Variants in GAS6 observed in about 807,000 individuals in gnomAD.
GAS6 encodes growth arrest specific 6.
GAS6 carries 41 observed loss-of-function variants against 75.8 expected under a neutral mutation model. The observed-to-expected ratio is 0.54, with a 90% CI of 0.42 to 0.70. The LOEUF (loss-of-function observed/expected upper bound fraction) is 0.70, where lower values mean the gene tolerates loss of function less well. Among genes scored for constraint, GAS6 ranks in the 30% least tolerant of loss-of-function variants. GAS6 has a pLI of 0.00. For synonymous variants in GAS6, 432 were observed against 412.6 expected (o/e 1.05, Z -0.57); for missense variants, 854 against 940.2 (o/e 0.91, Z 1.20).
chr13:113,854,362 A>T (rs2051897629), intron 2 of GAS6, among the ~76,000 whole-genome samples: 1 of 152,238 alleles, frequency 6.6e-6, no homozygotes, highest in African/African-American at 2.4e-5. Context: ...AACGAGACAG[A>T]GGAGCTCGAG....
chr13:113,826,295 C>T (rs1307864603), intron 12 of GAS6, among the ~76,000 whole-genome samples: 1 of 152,226 alleles, frequency 6.6e-6, no homozygotes, highest in East Asian at 1.9e-4. Flanking sequence ...ACCATGTTAC[C>T]GAGAGCTTCT....
At chr13:113,857,559 A>G (rs1057508106) in intron 2 of GAS6, among the ~76,000 whole-genome samples, 1 of 152,198 alleles carries the variant, frequency 6.6e-6, no homozygotes, top group East Asian at 1.9e-4. Flanking sequence ...AAAACAGGGG[A>G]AAATGAAGCA....
At chr13:113,852,202 C>T (rs896437072) in intron 2 of GAS6, among the ~76,000 whole-genome samples, 1 of 152,250 alleles carries the variant, frequency 6.6e-6, no homozygotes, top group African/African-American at 2.4e-5. Flanking sequence ...TTCTTTTTAG[C>T]TCATCAGCTA....
In GAS6 at chr13:113,863,196, C is replaced by T. The variant is rs1472857270; in HGVS notation, c.255+379G>A. Among the ~76,000 whole-genome samples, 2 of 152,342 alleles carry T rather than the reference C, an allele frequency of 1.3e-5. No individual in the cohort carries two copies. Among genetic ancestry groups the T allele is most frequent in the African/African-American group, 2.4e-5 (1 of 41,584 alleles). On this transcript the variant is annotated intron_variant, in intron 2 of 14. Transcript: ENST00000327773. This position sits in a 1 kb window ranked among gnomAD's most constrained non-coding sequence, Gnocchi z 9.4. The stretch of plus-strand genomic sequence containing the variant: ...CTTTCGGGAGGGGACTGCTCTCCAC[C>T]CCTCTCAGGAGGACGAGGCGCGGCC...
intron 2 of GAS6, among the ~76,000 whole-genome samples, chr13:113,850,482 C>T (rs187503183): frequency 2.6e-5 from 4 of 152,248 alleles, no homozygotes; most frequent in South Asian, 4.1e-4. Context: ...CTGGAAATGG[C>T]GCCATTTGGC....
chr13:113,834,692 G>A lies in GAS6; in HGVS notation c.713-20C>T, dbSNP rs375355628. On this transcript the variant is annotated intron_variant, in intron 7 of 14. Coordinates refer to ENST00000327773, the MANE Select transcript of GAS6 (RefSeq NM_000820.4). Reference sequence around the variant, plus strand: ...CCACATCTGCCAGCCAGAGGGAAGCGGCGGTGAGCCGGGGAGGCCTCTACG... The same window carrying A: ...CCACATCTGCCAGCCAGAGGGAAGCAGCGGTGAGCCGGGGAGGCCTCTACG... 103 of 1,525,670 alleles carry A rather than the reference G, an allele frequency of 6.8e-5. No homozygotes were observed. The highest frequency in any genetic ancestry group is 4.4e-4 in the African/African-American group (32 of 72,478). The allele number at this position is 1,525,670 out of a possible 1,614,324, so 94.5% of individuals were successfully genotyped here.
At chr13:113,821,379 T>C (rs987490735) in intron 14 of GAS6, 1 of 254,184 alleles carries the variant, frequency 3.9e-6, no homozygotes, top group Non-Finnish European at 7.6e-6. Context: ...GTGGAGTCTG[T>C]GTCTGGCAGC....
At position 113,836,192 on chromosome 13, in the gene GAS6, C is replaced by A. The variant is rs181894128; in HGVS notation, c.590-557G>T. The A allele has an allele frequency of 8.2e-4, 108 of 131,462 alleles. 1 individual carries two copies. The Admixed American group carries it at 0.019, about 23-fold the overall frequency. 8.1% of individuals were successfully genotyped at this position (131,462 alleles called of 1,614,324 possible). A position where few individuals can be genotyped will look rare whatever the true frequency, so the allele number is the denominator to read the frequency against. On this transcript the variant is annotated intron_variant, in intron 6 of 14. Transcript: ENST00000327773. ...CCAGAGGAGAGCAAAGGCAGGGGCA[C>A]GGAGAAAGGTGGGGGAGGAGAAGGG...
intron 14 of GAS6, 105 bp from the exon 15 acceptor site, chr13:113,821,123 G>C: frequency 8.2e-7 from 1 of 1,220,498 alleles, no homozygotes; most frequent in Non-Finnish European, 1.2e-6. Context: ...GGTTCCCTCC[G>C]AAAGGGCAGG....
Position 113,821,660 on chromosome 13 carries a change from C to T in GAS6, c.1882+298G>A, listed in dbSNP as rs375722186. The T allele has an allele frequency of 6.7e-5, 28 of 419,604 alleles. No individual in the cohort carries two copies. In the East Asian group the frequency reaches 8.8e-4, roughly 13 times the overall value. The allele number at this position is 419,604 out of a possible 1,614,324, so 26.0% of individuals were successfully genotyped here. A position where few individuals can be genotyped will look rare whatever the true frequency, so the allele number is the denominator to read the frequency against. On this transcript the variant is annotated intron_variant, in intron 14 of 14. Coordinates refer to ENST00000327773, the MANE Select transcript of GAS6 (RefSeq NM_000820.4). ...CCGAGGTCTGCCCAGCCCTCTCCCC[C>T]GGGGCTGGTCTGATGGGTGTGGACG...
chr13:113,839,566 C>A, intron 5 of GAS6, 162 bp downstream of exon 5: 1 of 866,364 alleles, frequency 1.2e-6, no homozygotes, highest in East Asian at 2.7e-5. Context: ...CAGCTCCTCC[C>A]AATTCTCCTG....
At position 113,823,542 on chromosome 13, in the gene GAS6, G is replaced by T. The variant is rs1480246581; in HGVS notation, c.1486C>A (p.Pro496Thr). ...AFYSLDYMRTPLDVGTESTWE... is the reference protein window; with the variant it reads ...AFYSLDYMRTTLDVGTESTWE... ...GTTGATTCAGTCCCGACGTCCAGAGGGGTCCGCACTGCAATGAAAGCGGTG... is the reference window on the plus strand; with the variant it reads ...GTTGATTCAGTCCCGACGTCCAGAGTGGTCCGCACTGCAATGAAAGCGGTG... The change falls in exon 13 of 15, where the codon CCT becomes ACT. Residue 496 changes from proline to threonine, a missense_variant. Pro to Thr is a conservative substitution (Grantham distance 38). Transcript: ENST00000327773. The T allele has an allele frequency of 1.2e-6, 2 of 1,610,610 alleles. No homozygotes were observed. Among genetic ancestry groups the T allele is most frequent in the Non-Finnish European group, 1.7e-6 (2 of 1,178,468 alleles).
At chr13:113,840,145 G>C (rs1047331714) in intron 4 of GAS6, 2 of 398,028 alleles carry the variant, frequency 5.0e-6, no homozygotes, top group Non-Finnish European at 9.1e-6. Context: ...GAACTGCCTG[G>C]CGTGAGGCCT....
intron 11 of GAS6, among the ~76,000 whole-genome samples, chr13:113,828,235 G>C (rs1368089804): frequency 9.2e-5 from 14 of 152,084 alleles, no homozygotes; most frequent in Admixed American, 3.3e-4. Flanking sequence ...CTGCACTCCA[G>C]CCTGGGCAAC....
At chr13:113,851,021 G>A (rs2051869095) in intron 2 of GAS6, among the ~76,000 whole-genome samples, 1 of 152,052 alleles carries the variant, frequency 6.6e-6, no homozygotes, top group African/African-American at 2.4e-5. Flanking sequence ...ATGAATGAGT[G>A]AATGGGAATG....
chr13:113,822,350 A>C, intron 13 of GAS6, 164 bp from the exon 14 acceptor site: 1 of 508,948 alleles, frequency 2.0e-6, no homozygotes, highest in African/African-American at 2.0e-5. Flanking sequence ...TGTGGATGAC[A>C]CCCCCACCCC....
At chr13:113,835,062 C>G (rs1019027947) in intron 7 of GAS6, among the ~76,000 whole-genome samples, 1 of 152,236 alleles carries the variant, frequency 6.6e-6, no homozygotes, top group African/African-American at 2.4e-5. Flanking sequence ...GTGCAGGCAG[C>G]CTGGGCTTCC....
intron 4 of GAS6, chr13:113,842,634 G>A (rs1266499968): frequency 2.5e-6 from 1 of 397,288 alleles, no homozygotes; most frequent in African/African-American, 2.1e-5. Flanking sequence ...AAGAGGCTCT[G>A]GGGGCAGGAG....
intron 8 of GAS6, among the ~76,000 whole-genome samples, chr13:113,834,302 G>A (rs1448132380): frequency 6.6e-6 from 1 of 152,216 alleles, no homozygotes; most frequent in Non-Finnish European, 1.5e-5. Context: ...GCCCCCGTGA[G>A]TGTCACACTG....
Sources: gnomAD v4.1 joint callset for allele counts (sites outside exome capture counted in the v4.1 genomes callset) on GRCh38, gnomAD v4.1.1 for gene constraint, Gnocchi (gnomAD v3.1) non-coding constraint, MANE v1.5 for transcripts, NCBI Gene and HGNC (gene_info 2026-07-23, HGNC 2026-07-21) for gene names.